CLIC5: variants seen among roughly 807,000 people sequenced by gnomAD.
The protein encoded by CLIC5 is chloride intracellular channel protein 5.
A neutral mutation model predicts 24.7 loss-of-function variants in CLIC5; 20 were observed. The ratio of observed to expected loss-of-function variants is 0.81; its 90% CI spans 0.57 to 1.18. The LOEUF (loss-of-function observed/expected upper bound fraction) is 1.18. Ranked by LOEUF, CLIC5 falls within the 50% of genes most tolerant of loss-of-function variation. CLIC5 has a pLI of 0.00. For synonymous variants in CLIC5, 159 were observed against 135.6 expected (o/e 1.17, Z -1.20); for missense variants, 341 against 326.1 (o/e 1.05, Z -0.35).
At chr6:45,968,785 T>C (rs921023707) in intron 1 of CLIC5, among the ~76,000 whole-genome samples, 8 of 152,202 alleles carry the variant, frequency 5.3e-5, no homozygotes, top group African/African-American at 1.7e-4. Flanking sequence ...TGCAGTAAGA[T>C]GTTTGTTAGC....
At chr6:46,039,232 T>G (rs942060845) in intron 1 of CLIC5, among the ~76,000 whole-genome samples, 2 of 152,158 alleles carry the variant, frequency 1.3e-5, no homozygotes, top group South Asian at 4.1e-4. Context: ...ATATACTAAA[T>G]TTATTTTTTC....
Position 45,903,141 on chromosome 6 carries a change from T to C in CLIC5, c.703A>G (p.Ser235Gly). The C allele has an allele frequency of 1.2e-6, 2 of 1,614,222 alleles. No individual in the cohort carries two copies. The highest frequency in any genetic ancestry group is 8.5e-7 in the Non-Finnish European group (1 of 1,180,032). ...TCAGCGTAGGCCAACTCGATCTCAC[T>C]GTCAGCTGCACAGGTGTTGGTGAAC... ...DEFTNTCAADSEIELAYADVA... is the reference protein window; with the variant it reads ...DEFTNTCAADGEIELAYADVA... Residue 235 changes from serine to glycine, a missense_variant, in exon 6 of 6, where the codon AGT becomes GGT. Physicochemically the swap from Ser to Gly is moderately conservative, Grantham distance 56. Coordinates refer to ENST00000339561, the MANE Select transcript of CLIC5 (RefSeq NM_016929.5).
chr6:45,905,354 T>C (rs1762628854), intron 5 of CLIC5, among the ~76,000 whole-genome samples: 1 of 152,198 alleles, frequency 6.6e-6, no homozygotes, highest in Non-Finnish European at 1.5e-5. Context: ...AGTGTTCCCT[T>C]TTCTCCACAG....
At chr6:46,116,233 C>T in the CLIC5 span, among the ~76,000 whole-genome samples, 4 of 150,838 alleles carry the variant, frequency 2.7e-5, no homozygotes, top group Non-Finnish European at 4.4e-5. Flanking sequence ...GAGAATTTGA[C>T]ACTAGATGTA....
chr6:46,006,681 C>CTTT (rs34501921), intron 1 of CLIC5, among the ~76,000 whole-genome samples: 2 of 138,938 alleles, frequency 1.4e-5, no homozygotes, highest in African/African-American at 2.7e-5. Context: ...CTTTTTTTTC[C>CTTT]TTTTTTTTTT....
At chr6:45,924,142 T>C (rs368057247) in intron 4 of CLIC5, among the ~76,000 whole-genome samples, 3 of 152,298 alleles carry the variant, frequency 2.0e-5, no homozygotes, top group South Asian at 2.1e-4. Flanking sequence ...AAAAAGTGGC[T>C]CTTGCCTCTG....
chr6:46,093,001 C>T, the CLIC5 span, among the ~76,000 whole-genome samples: 2 of 152,164 alleles, frequency 1.3e-5, no homozygotes, highest in Non-Finnish European at 2.9e-5. Flanking sequence ...TCTTACCCCT[C>T]CCCAATCCAA....
chr6:45,945,815 G>C (rs942817883), intron 3 of CLIC5, among the ~76,000 whole-genome samples: 2 of 152,154 alleles, frequency 1.3e-5, no homozygotes, highest in African/African-American at 4.8e-5. Context: ...TATACATTTT[G>C]TAAAATAATG....
chr6:46,087,661 T>C, the CLIC5 span, among the ~76,000 whole-genome samples: 4 of 152,128 alleles, frequency 2.6e-5, no homozygotes, highest in African/African-American at 4.8e-5. Flanking sequence ...ACCACTTTAG[T>C]AGCTCTCTAA....
At chr6:45,975,108 A>C (rs766692442) in intron 1 of CLIC5, among the ~76,000 whole-genome samples, 1 of 152,224 alleles carries the variant, frequency 6.6e-6, no homozygotes, top group Non-Finnish European at 1.5e-5. Context: ...AAAAAAAGAA[A>C]GAATATATGA....
the CLIC5 span, among the ~76,000 whole-genome samples, chr6:46,095,068 C>A: frequency 6.6e-6 from 1 of 152,172 alleles, no homozygotes; most frequent in Non-Finnish European, 1.5e-5. Flanking sequence ...TGAGCAATAC[C>A]CAGGCCCCTT....
intron 1 of CLIC5, among the ~76,000 whole-genome samples, chr6:45,988,386 G>T (rs1380834663): frequency 5.3e-5 from 8 of 152,140 alleles, no homozygotes; most frequent in African/African-American, 1.9e-4. Context: ...AATTGATTAA[G>T]TCTCAGCCAC....
At chr6:46,090,404 G>GT in the CLIC5 span, among the ~76,000 whole-genome samples, 8 of 92,616 alleles carry the variant, frequency 8.6e-5, no homozygotes, top group East Asian at 4.2e-4. Flanking sequence ...CAACTTGATG[G>GT]GTTTTTTTTT....
rs574705853 is a variant in CLIC5, at chr6:46,079,953, C to T, written c.290G>A (p.Gly97Asp). The change falls in exon 1 of 6, where the codon GGT becomes GAT. Residue 97 changes from glycine to aspartate, a missense_variant. Transcript: ENST00000185206. ...GATGCCCCTGTCCTCCTGGGGCTCACCTGGATGAGCCTCCTGGAGTTCAGA... is the reference window on the plus strand; with the variant it reads ...GATGCCCCTGTCCTCCTGGGGCTCATCTGGATGAGCCTCCTGGAGTTCAGA... The T allele has an allele frequency of 1.6e-4, 243 of 1,551,654 alleles. 2 individuals are homozygous for T. The African/African-American group carries it at 2.8e-3, about 18-fold the overall frequency.
chr6:46,085,510 C>G, the CLIC5 span, among the ~76,000 whole-genome samples: 1 of 152,196 alleles, frequency 6.6e-6, no homozygotes, highest in Non-Finnish European at 1.5e-5. Flanking sequence ...CCCTCAGCTG[C>G]AGGTCTGTTG....
intron 2 of CLIC5, 95 bp downstream of exon 2, chr6:45,955,040 G>T (rs548929982): frequency 3.8e-6 from 3 of 785,458 alleles, no homozygotes; most frequent in Non-Finnish European, 6.5e-6. Context: ...TGAGCAGGGG[G>T]CTGCTGGGAG....
In CLIC5 at chr6:46,063,866, C is replaced by A. The variant is rs78827789; in HGVS notation, c.540+15837G>T. Among the ~76,000 whole-genome samples, 893 of 152,240 alleles carry A rather than the reference C, an allele frequency of 5.9e-3. 8 individuals carry two copies. The highest frequency in any genetic ancestry group is 0.021 in the African/African-American group (861 of 41,540). The stretch of plus-strand genomic sequence containing the variant: ...TTCTACAAAGCTTAAAAGCAAGGCT[C>A]AAAAGGATTAAATTCATTCTATGTC... On this transcript the variant is annotated intron_variant, in intron 1 of 5. Coordinates refer to the CLIC5 transcript ENST00000185206.
intron 1 of CLIC5, among the ~76,000 whole-genome samples, chr6:46,075,546 T>A (rs1762742966): frequency 6.6e-6 from 1 of 152,146 alleles, no homozygotes; most frequent in African/African-American, 2.4e-5. Flanking sequence ...GTTTGCACCA[T>A]TGCCCTCCAG....
intron 4 of CLIC5, among the ~76,000 whole-genome samples, chr6:45,922,825 G>GAGAGAGAGAGAA (rs1763320824): frequency 6.8e-6 from 1 of 147,856 alleles, no homozygotes; most frequent in Non-Finnish European, 1.5e-5. Context: ...GAGAGAGAAA[G>GAGAGAGAGAGAA]AGAGAGAGAT....
Sources: gnomAD v4.1 joint callset for allele counts (sites outside exome capture counted in the v4.1 genomes callset) on GRCh38, gnomAD v4.1.1 for gene constraint, MANE v1.5 for transcripts, NCBI Gene and HGNC (gene_info 2026-07-23, HGNC 2026-07-21) for gene names.